The following USP8 variants were observed in gnomAD, a reference collection of about 807,000 sequenced individuals.
The protein encoded by USP8 is ubiquitin carboxyl-terminal hydrolase 8.
In USP8, 27 loss-of-function variants were observed where a neutral mutation model predicts 130.0. The ratio of observed to expected loss-of-function variants is 0.21; its 90% CI spans 0.15 to 0.29. USP8 has a LOEUF of 0.29. Ranked by LOEUF, USP8 falls within the 10% of genes least tolerant of loss-of-function variation. The pLI is 1.00. For synonymous variants in USP8, 392 were observed against 444.1 expected (o/e 0.88, Z 1.48); for missense variants, 1,029 against 1,312.2 (o/e 0.78, Z 3.33).
chr15:50,492,637 G>A lies in USP8; in HGVS notation c.2235-64G>A, dbSNP rs534428246. 187 of 1,547,406 alleles carry A rather than the reference G, an allele frequency of 1.2e-4. 1 individual carries two copies. The African/African-American group carries it at 2.3e-3, about 19-fold the overall frequency. On this transcript the variant is annotated intron_variant, in intron 14 of 19. Coordinates refer to ENST00000307179, the MANE Select transcript of USP8 (RefSeq NM_005154.5). Reference sequence around the variant, plus strand: ...GTGCTACAGTTTGCTGCCATTTATAGTATAGAACCTTAATTTCATATGCTC... The same window carrying A: ...GTGCTACAGTTTGCTGCCATTTATAATATAGAACCTTAATTTCATATGCTC...
chr15:50,470,938 T>C (rs2051356806), intron 7 of USP8, among the ~76,000 whole-genome samples: 1 of 152,164 alleles, frequency 6.6e-6, no homozygotes, highest in Non-Finnish European at 1.5e-5. Flanking sequence ...ATGTGAACAT[T>C]GTGCTTTAAT....
chr15:50,439,979 T>C (rs896598061), intron 2 of USP8, among the ~76,000 whole-genome samples: 7 of 151,898 alleles, frequency 4.6e-5, no homozygotes, highest in African/African-American at 1.7e-4. Flanking sequence ...TCCCAGCTAG[T>C]GGGGGGCTGA....
At chr15:50,456,534 A>G (rs1268793304) in intron 4 of USP8, among the ~76,000 whole-genome samples, 3 of 150,056 alleles carry the variant, frequency 2.0e-5, no homozygotes, top group Non-Finnish European at 4.4e-5. Flanking sequence ...AGATCCCACC[A>G]CTGCTCTCCA....
At chr15:50,476,163 G>A (rs964119306) in intron 8 of USP8, among the ~76,000 whole-genome samples, 5 of 152,270 alleles carry the variant, frequency 3.3e-5, no homozygotes, top group East Asian at 3.9e-4. Flanking sequence ...CATGTGCAGC[G>A]GCTCACGCCT....
intron 4 of USP8, among the ~76,000 whole-genome samples, chr15:50,450,570 C>G (rs2050599498): frequency 7.0e-6 from 1 of 142,084 alleles, no homozygotes; most frequent in South Asian, 2.3e-4. Flanking sequence ...CTCTCAGGTT[C>G]AAGTCATTCT....
At chr15:50,448,382 AGTATCTAATGATTGACCTCTT>A (rs1286334860) in intron 3 of USP8, among the ~76,000 whole-genome samples, 16 of 152,304 alleles carry the variant, frequency 1.1e-4, no homozygotes, top group Middle Eastern at 3.4e-3. Context: ...ATCTGATTGT[AGTATCTAATGATTGACCTCTT>A]GTATCTAATG....
At chr15:50,449,004 A>G (rs2050527067) in intron 3 of USP8, among the ~76,000 whole-genome samples, 1 of 152,208 alleles carries the variant, frequency 6.6e-6, no homozygotes, top group South Asian at 2.1e-4. Flanking sequence ...AACACATTCC[A>G]TGTTGTGTCT....
chr15:50,486,734 A>G (rs1595975814), intron 12 of USP8, among the ~76,000 whole-genome samples: 1 of 152,222 alleles, frequency 6.6e-6, no homozygotes, highest in Non-Finnish European at 1.5e-5. Context: ...GAATGATACA[A>G]TGGACTTTGG....
intron 6 of USP8, among the ~76,000 whole-genome samples, chr15:50,463,107 G>T (rs1339943278): frequency 3.9e-5 from 6 of 152,062 alleles, no homozygotes; most frequent in African/African-American, 1.4e-4. Flanking sequence ...AAATTAGCTG[G>T]GTGTGGTGGT....
intron 1 of USP8, among the ~76,000 whole-genome samples, chr15:50,430,726 CA>C (rs1567593733): frequency 6.6e-6 from 1 of 152,124 alleles, no homozygotes; most frequent in African/African-American, 2.4e-5. Flanking sequence ...AGTTGATAAA[CA>C]GATTTAATAT....
intron 1 of USP8, among the ~76,000 whole-genome samples, chr15:50,433,870 G>T (rs1015416196): frequency 6.6e-6 from 1 of 152,224 alleles, no homozygotes; most frequent in Non-Finnish European, 1.5e-5. Flanking sequence ...CTCCCAAAGT[G>T]TTGGGATTAC....
At chr15:50,484,225 G>T in intron 11 of USP8, 50 bp from the exon 12 acceptor site, 1 of 1,436,948 alleles carries the variant, frequency 7.0e-7, no homozygotes, top group Non-Finnish European at 9.7e-7. Context: ...TTTATGTTGG[G>T]AGGAGAATTA....
intron 5 of USP8, among the ~76,000 whole-genome samples, chr15:50,460,241 G>C (rs188327687): frequency 7.1e-6 from 1 of 141,300 alleles, no homozygotes; most frequent in East Asian, 2.1e-4. Flanking sequence ...CCAGTGATCT[G>C]CCTGCCTCAG....
In USP8 at chr15:50,476,937, C is replaced by T; in HGVS notation, c.938C>T (p.Thr313Ile). ...CTCCTTTGTTATCCCCAGTATACAA[C>T]AAATGCTAAGGTCACTCCACCCCCA... Reference protein sequence around the residue: ...NWLLCYPQYTTNAKVTPPPRR... With the variant: ...NWLLCYPQYTINAKVTPPPRR... Residue 313 changes from threonine (T) to isoleucine (I), a missense_variant, in exon 9 of 20, where the codon ACA becomes ATA. Thr to Ile is a moderately conservative substitution (Grantham distance 89, BLOSUM62 -1). Coordinates refer to ENST00000307179, the MANE Select transcript of USP8 (RefSeq NM_005154.5). 2 of 1,610,102 alleles carry T rather than the reference C, an allele frequency of 1.2e-6. No individual in the cohort carries two copies. The highest frequency in any genetic ancestry group is 1.7e-6 in the Non-Finnish European group (2 of 1,179,404).
chr15:50,492,980 A>T, intron 15 of USP8, 67 bp downstream of exon 15: 1 of 1,441,490 alleles, frequency 6.9e-7, no homozygotes, highest in Non-Finnish European at 9.7e-7. Flanking sequence ...TTACTGTCTT[A>T]GTCCATTAGT....
chr15:50,458,250 C>G (rs377188537), intron 4 of USP8, among the ~76,000 whole-genome samples: 2 of 152,162 alleles, frequency 1.3e-5, no homozygotes, highest in African/African-American at 4.8e-5. Flanking sequence ...CTTCCCAGTT[C>G]AAGTGATTCT....
At chr15:50,455,092 T>G (rs1417913167) in intron 4 of USP8, among the ~76,000 whole-genome samples, 1 of 151,364 alleles carries the variant, frequency 6.6e-6, no homozygotes, top group Non-Finnish European at 1.5e-5. Flanking sequence ...CTTCCTTTTT[T>G]TGAGACAGAG....
chr15:50,463,020 G>A (rs2051061970), intron 6 of USP8, among the ~76,000 whole-genome samples: 1 of 152,134 alleles, frequency 6.6e-6, no homozygotes, highest in African/African-American at 2.4e-5. Context: ...GGCTCAGGAA[G>A]GAGGATTGCT....
intron 3 of USP8, among the ~76,000 whole-genome samples, chr15:50,447,768 T>G (rs1364736715): frequency 6.6e-6 from 1 of 152,022 alleles, no homozygotes; most frequent in East Asian, 1.9e-4. Context: ...TTTGTCTTTT[T>G]TTTTTCTTCC....
Sources: allele counts gnomAD v4.1 joint callset (sites outside exome capture counted in the v4.1 genomes callset), GRCh38; gene constraint gnomAD v4.1.1; transcripts MANE v1.5; gene names NCBI Gene and HGNC (gene_info 2026-07-23, HGNC 2026-07-21).